Variants in ATP6V0A2 observed in about 807,000 individuals in gnomAD.
The protein encoded by ATP6V0A2 is ATPase H+ transporting V0 subunit a2.
In ATP6V0A2, 58 loss-of-function variants were observed where a neutral mutation model predicts 104.4. The ratio of observed to expected loss-of-function variants is 0.56; its 90% confidence interval spans 0.45 to 0.69. The LOEUF (loss-of-function observed/expected upper bound fraction) is 0.69, where lower values mean the gene tolerates loss of function less well. ATP6V0A2 is among the 30% of genes least tolerant of loss of function. The probability of loss-of-function intolerance (pLI) is 0.00; values close to 1 mark genes in which losing one functional copy is unlikely to be tolerated. For missense variants in ATP6V0A2, 938 were observed against 1,062.9 expected, an observed-to-expected ratio of 0.88 and a Z score of 1.63; for synonymous variants, 376 against 397.9, an observed-to-expected ratio of 0.95 and a Z score of 0.65.
At chr12:123,738,864 T>C (rs569674082) in intron 9 of ATP6V0A2, 4 of 152,342 alleles carry the variant, frequency 2.6e-5, no homozygotes, top group Admixed American at 1.3e-4. Flanking sequence ...AATTCTGTGA[T>C]GATACAAATG....
At chr12:123,717,501 G>C (rs1390644824) in intron 1 of ATP6V0A2, among the ~76,000 whole-genome samples, 1 of 149,078 alleles carries the variant, frequency 6.7e-6, no homozygotes, top group South Asian at 2.1e-4. Flanking sequence ...CTAGAGTGCA[G>C]TGGTGTGATC....
At chr12:123,737,969 C>T (rs1956572058) in intron 9 of ATP6V0A2, among the ~76,000 whole-genome samples, 1 of 152,106 alleles carries the variant, frequency 6.6e-6, no homozygotes, top group Admixed American at 6.5e-5. Context: ...AGGTAGTTTC[C>T]GCTTTTACAA....
chr12:123,742,456 T>G (rs1481476093), intron 9 of ATP6V0A2, among the ~76,000 whole-genome samples: 1 of 152,142 alleles, frequency 6.6e-6, no homozygotes, highest in East Asian at 1.9e-4. Context: ...TGGTTGCACT[T>G]TCTGTTCTGA....
intron 15 of ATP6V0A2, 145 bp from the exon 16 acceptor site, chr12:123,750,965 C>T (rs994721174): frequency 4.6e-6 from 5 of 1,094,732 alleles, no homozygotes; most frequent in South Asian, 2.6e-5. Flanking sequence ...AAAGAAAACC[C>T]GCTGGCAAGT....
intron 1 of ATP6V0A2, 70 bp downstream of exon 1, chr12:123,712,752 G>A: frequency 7.4e-7 from 1 of 1,343,944 alleles, no homozygotes; most frequent in Non-Finnish European, 1.0e-6. Context: ...CATCGCTGGG[G>A]CCCTCCCGCG....
chr12:123,725,780 T>C (rs990236593), intron 4 of ATP6V0A2, among the ~76,000 whole-genome samples: 1 of 149,628 alleles, frequency 6.7e-6, no homozygotes, highest in African/African-American at 2.5e-5. Flanking sequence ...AGTGAGACCC[T>C]GTACCCTGTA....
chr12:123,754,656 C>T (rs185690362), intron 18 of ATP6V0A2, 119 bp downstream of exon 18: 52 of 746,368 alleles, frequency 7.0e-5, no homozygotes, highest in African/African-American at 1.9e-4. Context: ...TCAGCTGCCA[C>T]GTGAACTTAC....
chr12:123,741,128 T>G (rs184807879), intron 9 of ATP6V0A2, among the ~76,000 whole-genome samples: 5 of 152,278 alleles, frequency 3.3e-5, no homozygotes, highest in Non-Finnish European at 7.4e-5. Flanking sequence ...TTGCTCACTT[T>G]TAAATGAAAT....
At position 123,755,676 on chromosome 12, in the gene ATP6V0A2, T is replaced by A. The variant is rs1956756340; in HGVS notation, c.2293+1139T>A. Among the ~76,000 whole-genome samples the A allele has an allele frequency of 2.8e-5, 4 of 142,494 alleles. No homozygotes were observed. The South Asian group carries it at 8.8e-4, about 31-fold the overall frequency. 93.5% of individuals were successfully genotyped at this position (142,494 alleles called of 152,430 possible). On this transcript the variant is annotated intron_variant, in intron 18 of 19. Coordinates refer to ENST00000330342, the MANE Select transcript of ATP6V0A2 (RefSeq NM_012463.4). The stretch of plus-strand genomic sequence containing the variant: ...CACTGTTCAAACTACCCTAATAAAC[T>A]TTTTTTTTTTTTTAAATAACAGACA...
At chr12:123,727,167 AC>A (rs888606594) in intron 5 of ATP6V0A2, among the ~76,000 whole-genome samples, 1 of 152,258 alleles carries the variant, frequency 6.6e-6, no homozygotes, top group African/African-American at 2.4e-5. Context: ...CCTTATCTAG[AC>A]CCAGTGCCTG....
Position 123,744,535 on chromosome 12 carries a change from C to T in ATP6V0A2, c.1327-62C>T, listed in dbSNP as rs865941521. 1.1e-4 allele frequency: 181 copies of T among 1,604,846 alleles called. No individual in the cohort carries two copies. The highest frequency in any genetic ancestry group is 2.4e-4 in the African/African-American group (18 of 74,792). On this transcript the variant is annotated intron_variant, in intron 11 of 19. Coordinates refer to ENST00000330342, the MANE Select transcript of ATP6V0A2 (RefSeq NM_012463.4). The surrounding 1 kb of genome is among the most constrained non-coding windows in gnomAD (Gnocchi z 5.4). ...TGAGTGGTGAGGGTCGTGCCCACAC[C>T]GACAGCTGTCACATGGACACCCTCC...
rs1168094115 is a variant in ATP6V0A2 at position 123,759,814 on chromosome 12, TTGA to T, written c.*1786_*1788del. On this transcript the variant is annotated 3_prime_UTR_variant, in exon 20 of 20. Coordinates refer to ENST00000330342, the MANE Select transcript of ATP6V0A2 (RefSeq NM_012463.4). The stretch of plus-strand genomic sequence containing the variant: ...TTACAGTACAGATTCTGTGTGCTAC[TTGA>T]TGAGATGTTACCCAAGGCCAGTTTG... 4 of 152,258 alleles carry T rather than the reference TTGA, an allele frequency of 2.6e-5. No homozygotes were observed. Among genetic ancestry groups the T allele is most frequent in the African/African-American group, 9.6e-5 (4 of 41,468 alleles). 9.4% of individuals were successfully genotyped at this position (152,258 alleles called of 1,614,324 possible).
intron 16 of ATP6V0A2, 52 bp downstream of exon 16, chr12:123,751,281 T>C (rs1329683527): frequency 1.2e-6 from 2 of 1,613,684 alleles, no homozygotes; most frequent in Non-Finnish European, 1.7e-6. Context: ...TTGCTTTCGG[T>C]TATACAAGGA....
chr12:123,714,996 C>A (rs2073701058), intron 1 of ATP6V0A2, among the ~76,000 whole-genome samples: 1 of 152,172 alleles, frequency 6.6e-6, no homozygotes, highest in African/African-American at 2.4e-5. Context: ...GCAGGAGAAT[C>A]ACTTGAACCC....
intron 3 of ATP6V0A2, chr12:123,723,377 C>T (rs1387649547): frequency 3.3e-5 from 5 of 151,802 alleles, no homozygotes; most frequent in African/African-American, 4.8e-5. Flanking sequence ...ATTTGCCTTA[C>T]GGATTTTTGC....
intron 5 of ATP6V0A2, 121 bp downstream of exon 5, chr12:123,726,406 A>G: frequency 2.7e-6 from 2 of 751,284 alleles, no homozygotes; most frequent in Non-Finnish European, 4.7e-6. Context: ...AAACATAGTG[A>G]ATATTTGTTT....
In ATP6V0A2 at chr12:123,747,702, C is replaced by T; in HGVS notation, c.1701C>T (p.Val567=). ...ILGIIHMTFG[V]ILGIFNHLHF... ...GAATCATTCATATGACTTTTGGAGT[C>T]ATTCTGGGAATATTTAACCACTTGT... Residue 567 remains valine (V), a synonymous_variant, in exon 14 of 20, where the codon GTC becomes GTT. Coordinates refer to ENST00000330342, the MANE Select transcript of ATP6V0A2 (RefSeq NM_012463.4). 1 of 1,603,572 alleles carries T rather than the reference C, an allele frequency of 6.2e-7. No individual in the cohort carries two copies. Among genetic ancestry groups the T allele is most frequent in the Non-Finnish European group, 8.5e-7 (1 of 1,170,504 alleles).
chr12:123,759,544 A>AT lies in ATP6V0A2; in HGVS notation c.*1516dup, dbSNP rs1956791371. 2.0e-5 allele frequency: 3 copies of AT among 152,232 alleles called. No homozygotes were observed. Among genetic ancestry groups the AT allele is most frequent in the African/African-American group, 7.2e-5 (3 of 41,518 alleles). 9.4% of individuals were successfully genotyped at this position (152,232 alleles called of 1,614,324 possible). A position where few individuals can be genotyped will look rare whatever the true frequency, so the allele number is the denominator to read the frequency against. On this transcript the variant is annotated 3_prime_UTR_variant, in exon 20 of 20. Transcript: ENST00000330342. ...TGTTAATTTTTCATATTTTAGTTTG[A>AT]TTTTAGACAATTATTTTCAAAAAGA...
intron 1 of ATP6V0A2, among the ~76,000 whole-genome samples, chr12:123,714,904 A>G (rs1354244200): frequency 1.3e-5 from 2 of 152,152 alleles, no homozygotes; most frequent in African/African-American, 4.8e-5. Context: ...ACATGGTGAA[A>G]CCCTGTCTCT....
Sources: allele counts gnomAD v4.1 joint callset (sites outside exome capture counted in the v4.1 genomes callset), GRCh38; gene constraint gnomAD v4.1.1; non-coding constraint Gnocchi (gnomAD v3.1); transcripts MANE v1.5; gene names NCBI Gene and HGNC (gene_info 2026-07-23, HGNC 2026-07-21).